Variants in POU6F2 observed in about 807,000 individuals in gnomAD.
The protein encoded by POU6F2 is POU class 6 homeobox 2, also known as POU domain, class 6, transcription factor 2.
A neutral mutation model predicts 71.3 loss-of-function variants in POU6F2; 31 were observed. The ratio of observed to expected loss-of-function variants is 0.43; its 90% confidence interval spans 0.33 to 0.59. POU6F2 has a LOEUF of 0.59. Ranked by LOEUF, POU6F2 falls within the 20% of genes least tolerant of loss-of-function variation. The pLI is 0.04. For missense variants in POU6F2, 783 were observed against 856.8 expected (o/e 0.91, Z 1.07); for synonymous variants, 347 against 355.7 (o/e 0.98, Z 0.27).
intron 4 of POU6F2, among the ~76,000 whole-genome samples, chr7:39,301,275 G>A (rs1235905771): frequency 2.0e-5 from 3 of 152,174 alleles, no homozygotes; most frequent in African/African-American, 7.2e-5. Flanking sequence ...TGCAAATCAT[G>A]GCATCCAGAA....
chr7:39,187,881 A>G (rs958421907), intron 2 of POU6F2, among the ~76,000 whole-genome samples: 4 of 152,150 alleles, frequency 2.6e-5, no homozygotes, highest in Admixed American at 2.6e-4. Context: ...TTTTTTCCAT[A>G]TGCCTGAGTT....
At chr7:39,264,580 G>A (rs1784204953) in intron 4 of POU6F2, among the ~76,000 whole-genome samples, 1 of 152,162 alleles carries the variant, frequency 6.6e-6, no homozygotes, top group African/African-American at 2.4e-5. Flanking sequence ...ACTAAGATGT[G>A]GTGAGGTCAT....
chr7:39,018,688 A>G (rs573483998), intron 1 of POU6F2, among the ~76,000 whole-genome samples: 22 of 152,290 alleles, frequency 1.4e-4, no homozygotes, highest in Admixed American at 1.4e-3. Context: ...TAAAAATCCA[A>G]TGTTTCCAAT....
chr7:39,407,404 T>C (rs1017868139), intron 6 of POU6F2, among the ~76,000 whole-genome samples: 4 of 150,178 alleles, frequency 2.7e-5, no homozygotes, highest in African/African-American at 9.9e-5. Flanking sequence ...GTCTGTCCCC[T>C]CAACGCTGCT....
intron 4 of POU6F2, among the ~76,000 whole-genome samples, chr7:39,287,380 C>T (rs1027794186): frequency 6.6e-6 from 1 of 152,128 alleles, no homozygotes; most frequent in African/African-American, 2.4e-5. Flanking sequence ...CTGTATGTTA[C>T]CCCTGCTTTA....
At chr7:39,197,734 T>C (rs543091270) in intron 2 of POU6F2, among the ~76,000 whole-genome samples, 16 of 152,324 alleles carry the variant, frequency 1.1e-4, no homozygotes, top group African/African-American at 3.8e-4. Flanking sequence ...GACAAACTAT[T>C]TTTGAATGCT....
chr7:39,249,260 A>AGGATTG (rs1783873798), intron 4 of POU6F2, among the ~76,000 whole-genome samples: 2 of 152,228 alleles, frequency 1.3e-5, no homozygotes, highest in Non-Finnish European at 2.9e-5. Flanking sequence ...CTGCTTCATC[A>AGGATTG]TTAAATGCCA....
At chr7:38,997,139 A>G (rs1788763370) in intron 1 of POU6F2, among the ~76,000 whole-genome samples, 1 of 149,920 alleles carries the variant, frequency 6.7e-6, no homozygotes, top group African/African-American at 2.4e-5. Flanking sequence ...AAGAACCCAG[A>G]TTTCCACCTG....
intron 1 of POU6F2, among the ~76,000 whole-genome samples, chr7:39,029,179 T>A (rs1044422433): frequency 6.6e-6 from 1 of 152,178 alleles, no homozygotes; most frequent in African/African-American, 2.4e-5. Flanking sequence ...AAATAGTTTT[T>A]AAAATTATCA....
chr7:39,026,857 A>G (rs1222951076), intron 1 of POU6F2, among the ~76,000 whole-genome samples: 1 of 152,126 alleles, frequency 6.6e-6, no homozygotes, highest in Non-Finnish European at 1.5e-5. Context: ...TACTATGATG[A>G]TGGAGTAACC....
chr7:39,148,553 G>T (rs1244171868), intron 2 of POU6F2, among the ~76,000 whole-genome samples: 1 of 151,320 alleles, frequency 6.6e-6, no homozygotes, highest in African/African-American at 2.4e-5. Context: ...TGGTGATGAT[G>T]ATAATGATAA....
chr7:39,411,629 C>T (rs1787552281), intron 6 of POU6F2, among the ~76,000 whole-genome samples: 1 of 152,186 alleles, frequency 6.6e-6, no homozygotes, highest in Non-Finnish European at 1.5e-5. Context: ...AACGCACATA[C>T]ATATGACAGC....
rs146926780 is a variant in POU6F2 at position 39,351,417 on chromosome 7, G to A, written c.972+11402G>A. Among the ~76,000 whole-genome samples the A allele has an allele frequency of 8.7e-4, 133 of 152,238 alleles. 1 individual carries two copies. In the South Asian group the frequency reaches 0.017, roughly 19 times the overall value. ...GACTCTGGAGTTGAATTATTAGCCC[G>A]ATATCTGCAGAAAAAGTTCAAACCT... On this transcript the variant is annotated intron_variant, in intron 5 of 9. Coordinates refer to ENST00000518318, the MANE Select transcript of POU6F2 (RefSeq NM_001370959.1).
chr7:39,409,948 T>G (rs544451677), intron 6 of POU6F2, among the ~76,000 whole-genome samples: 1 of 152,360 alleles, frequency 6.6e-6, no homozygotes, highest in African/African-American at 2.4e-5. Flanking sequence ...AAAACTTCAG[T>G]TGTTTTTGTA....
intron 6 of POU6F2, among the ~76,000 whole-genome samples, chr7:39,430,392 T>C (rs1554282379): frequency 2.6e-5 from 4 of 152,242 alleles, no homozygotes; most frequent in Non-Finnish European, 5.9e-5. Context: ...CAGATTCCTC[T>C]GGCTCTGACA....
At chr7:39,225,956 TA>T (rs111487597) in intron 4 of POU6F2, among the ~76,000 whole-genome samples, 18 of 148,166 alleles carry the variant, frequency 1.2e-4, no homozygotes, top group East Asian at 5.9e-4. Flanking sequence ...TTAATTCCTT[TA>T]AAAAAAAAAG....
rs1789098897 is a variant in POU6F2, at chr7:39,467,515, T to C, written c.*2829T>C. The C allele has an allele frequency of 6.6e-6, 1 of 152,250 alleles. No homozygotes were observed. Among genetic ancestry groups the C allele is most frequent in the Non-Finnish European group, 1.5e-5 (1 of 68,040 alleles). 9.4% of individuals were successfully genotyped at this position (152,250 alleles called of 1,614,324 possible). On this transcript the variant is annotated 3_prime_UTR_variant, in exon 10 of 10. Transcript: ENST00000518318. Reference sequence around the variant, plus strand: ...TATGTGATTGTATTTCAAGCTTCAGTATTTTTCTCACATAATTTTTAATTA... The same window carrying C: ...TATGTGATTGTATTTCAAGCTTCAGCATTTTTCTCACATAATTTTTAATTA...
At chr7:39,006,536 C>T (rs898835249) in intron 1 of POU6F2, among the ~76,000 whole-genome samples, 3 of 152,106 alleles carry the variant, frequency 2.0e-5, no homozygotes, top group Non-Finnish European at 4.4e-5. Context: ...CAAGCCACAC[C>T]TTCAAAATTA....
At chr7:39,436,865 C>T (rs1788256764) in intron 7 of POU6F2, among the ~76,000 whole-genome samples, 1 of 152,114 alleles carries the variant, frequency 6.6e-6, no homozygotes, top group South Asian at 2.1e-4. Flanking sequence ...GCTTTTTGTG[C>T]ATCTATTAAG....
Sources: allele counts gnomAD v4.1 joint callset (sites outside exome capture counted in the v4.1 genomes callset), GRCh38; gene constraint gnomAD v4.1.1; transcripts MANE v1.5; gene names NCBI Gene and HGNC (gene_info 2026-07-23, HGNC 2026-07-21).